The following ARID4B variants were observed in gnomAD, a reference collection of about 807,000 sequenced individuals.
ARID4B encodes the protein AT-rich interaction domain 4B.
Under a neutral mutation model 147.5 loss-of-function variants are expected in ARID4B, and 26 were observed. That is an observed-to-expected ratio of 0.18 (90% CI 0.13 to 0.24). The LOEUF is 0.24. ARID4B is among the 10% of genes least tolerant of loss of function. The pLI is 1.00. For synonymous variants in ARID4B, 512 were observed against 507.9 expected, an observed-to-expected ratio of 1.01 and a Z score of -0.11; for missense variants, 1,179 against 1,511.5, an observed-to-expected ratio of 0.78 and a Z score of 3.65.
At chr1:235,277,559 A>C (rs1347098351) in intron 2 of ARID4B, among the ~76,000 whole-genome samples, 2 of 150,486 alleles carry the variant, frequency 1.3e-5, no homozygotes, top group Admixed American at 1.3e-4. Context: ...AAATAATAAT[A>C]ATAATGTAAA....
chr1:235,208,725 C>T (rs772513429), intron 17 of ARID4B, among the ~76,000 whole-genome samples: 16 of 151,484 alleles, frequency 1.1e-4, no homozygotes, highest in Non-Finnish European at 2.2e-4. Context: ...AGGCTGGTCT[C>T]GAACTGGTCT....
At chr1:235,222,100 T>TG (rs1667513837) in intron 13 of ARID4B, among the ~76,000 whole-genome samples, 1 of 151,828 alleles carries the variant, frequency 6.6e-6, no homozygotes, top group Admixed American at 6.6e-5. Context: ...TTTGTGGAGA[T>TG]GGAGTCTCAC....
At chr1:235,283,370 G>A (rs1671783385) in intron 2 of ARID4B, among the ~76,000 whole-genome samples, 1 of 152,172 alleles carries the variant, frequency 6.6e-6, no homozygotes, top group Non-Finnish European at 1.5e-5. Flanking sequence ...TAATTCAGAA[G>A]CTAATGTTTA....
chr1:235,292,933 C>T (rs1057449424), intron 2 of ARID4B, among the ~76,000 whole-genome samples: 2 of 152,078 alleles, frequency 1.3e-5, no homozygotes, highest in Middle Eastern at 3.2e-3. Context: ...AAGAAAGCTC[C>T]GAGGGAAGGT....
chr1:235,284,346 C>T (rs776927241), intron 2 of ARID4B, among the ~76,000 whole-genome samples: 10 of 152,112 alleles, frequency 6.6e-5, no homozygotes, highest in Admixed American at 3.9e-4. Context: ...AGCGACAGAG[C>T]GAGACTCCGT....
chr1:235,237,610 A>G (rs2103065540), intron 8 of ARID4B, among the ~76,000 whole-genome samples: 1 of 152,328 alleles, frequency 6.6e-6, no homozygotes, highest in South Asian at 2.1e-4. Context: ...AAACAGTAAA[A>G]ACAAAGGTAG....
intron 16 of ARID4B, among the ~76,000 whole-genome samples, chr1:235,217,894 T>A (rs1056660399): frequency 3.9e-5 from 6 of 152,206 alleles, no homozygotes; most frequent in African/African-American, 1.4e-4. Context: ...AGTGGATGCC[T>A]GAAACCGTGG....
At chr1:235,261,491 T>A (rs564054668) in intron 2 of ARID4B, among the ~76,000 whole-genome samples, 16 of 152,284 alleles carry the variant, frequency 1.1e-4, no homozygotes, top group African/African-American at 3.6e-4. Context: ...GCCACTGAAC[T>A]CTAGCCTGGG....
intron 9 of ARID4B, among the ~76,000 whole-genome samples, chr1:235,233,576 C>T (rs959294905): frequency 2.6e-5 from 4 of 152,194 alleles, no homozygotes; most frequent in African/African-American, 9.7e-5. Context: ...TATCTGGCTT[C>T]TCTAGTCATA....
intron 2 of ARID4B, among the ~76,000 whole-genome samples, chr1:235,310,501 GA>G (rs1673972355): frequency 6.6e-6 from 1 of 152,168 alleles, no homozygotes; most frequent in South Asian, 2.1e-4. Flanking sequence ...AAATGTTGCT[GA>G]CCTGCCTCAA....
intron 2 of ARID4B, among the ~76,000 whole-genome samples, chr1:235,283,128 A>G (rs1288056293): frequency 6.6e-6 from 1 of 152,262 alleles, no homozygotes; most frequent in South Asian, 2.1e-4. Context: ...CTTTTAAAAC[A>G]CATTCATTTT....
At position 235,252,721 on chromosome 1, in the gene ARID4B, A is replaced by G; in HGVS notation, c.354+9T>C. 1 of 1,609,050 alleles carries G rather than the reference A, an allele frequency of 6.2e-7. No individual in the cohort carries two copies. The highest frequency in any genetic ancestry group is 1.3e-5 in the African/African-American group (1 of 74,722). Reference sequence around the variant, plus strand: ...TTAAGACATGTTCATTTGTTAAATGATGACTTACTTCACTTTCAGCAAAAT... The same window carrying G: ...TTAAGACATGTTCATTTGTTAAATGGTGACTTACTTCACTTTCAGCAAAAT... On this transcript the variant is annotated intron_variant, in intron 6 of 23. Coordinates refer to ENST00000264183, the MANE Select transcript of ARID4B (RefSeq NM_016374.6).
In ARID4B at chr1:235,220,310, G is replaced by T; in HGVS notation, c.1399C>A (p.Pro467Thr). 2 of 1,600,176 alleles carry T rather than the reference G, an allele frequency of 1.2e-6. No homozygotes were observed. Among genetic ancestry groups the T allele is most frequent in the Non-Finnish European group, 8.5e-7 (1 of 1,175,002 alleles). Residue 467 changes from proline to threonine, a missense_variant, in exon 15 of 24, where the codon CCC (proline) becomes ACC (threonine). Physicochemically the swap from Pro to Thr is conservative, Grantham distance 38 (BLOSUM62 -1). This residue lies in a region of ARID4B where 204 missense variants were observed against 210.9 expected (regional missense o/e 0.97). Transcript: ENST00000264183. ...AACAATATCTGATTTACCAGAGAGGGCTTAATATTTTCTTTTCTTTCAATT... is the reference window on the plus strand; with the variant it reads ...AACAATATCTGATTTACCAGAGAGGTCTTAATATTTTCTTTTCTTTCAATT... ...DEIERKENIKPSLGSKKNLLE... is the reference protein window; with the variant it reads ...DEIERKENIKTSLGSKKNLLE...
In ARID4B at chr1:235,196,046, A is replaced by G; in HGVS notation, c.1911T>C (p.His637=). 1.9e-6 allele frequency: 3 copies of G among 1,598,936 alleles called. No individual in the cohort carries two copies. The highest frequency in any genetic ancestry group is 2.6e-6 in the Non-Finnish European group (3 of 1,172,006). ...PADKNVPKIK[H]RKKIKNKLDK... is the part of the protein sequence containing the mutation. Reference sequence around the variant, plus strand: ...AAGCACTTACCTTTATTTTCTTCCGATGTTTTATCTTTGGCACATTTTTAT... The same window carrying G: ...AAGCACTTACCTTTATTTTCTTCCGGTGTTTTATCTTTGGCACATTTTTAT... The change falls in exon 18 of 24, where the codon CAT becomes CAC. Residue 637 remains histidine (H), a synonymous_variant. Coordinates refer to ENST00000264183, the MANE Select transcript of ARID4B (RefSeq NM_016374.6).
At chr1:235,173,809 T>TATAC (rs1262725823) in intron 22 of ARID4B, among the ~76,000 whole-genome samples, 1 of 73,902 alleles carries the variant, frequency 1.4e-5, no homozygotes, top group Non-Finnish European at 2.5e-5. Context: ...TATATATATA[T>TATAC]ATATGTATAC....
intron 7 of ARID4B, among the ~76,000 whole-genome samples, chr1:235,242,439 G>C (rs1432133981): frequency 3.9e-5 from 6 of 152,158 alleles, no homozygotes; most frequent in Non-Finnish European, 8.8e-5. Context: ...ATTTACAAGA[G>C]CTTAAGAGTA....
intron 20 of ARID4B, among the ~76,000 whole-genome samples, chr1:235,178,332 TTAATA>T (rs1378369852): frequency 1.6e-4 from 25 of 152,264 alleles, no homozygotes; most frequent in South Asian, 6.2e-4. Flanking sequence ...TATAATCATA[TTAATA>T]TAATTTTTAA....
chr1:235,258,734 T>C (rs978687862), intron 3 of ARID4B, among the ~76,000 whole-genome samples: 3 of 152,180 alleles, frequency 2.0e-5, no homozygotes, highest in African/African-American at 7.2e-5. Context: ...ACCCACAGCA[T>C]CCCAGGCATT....
intron 2 of ARID4B, among the ~76,000 whole-genome samples, chr1:235,289,674 G>A (rs989643284): frequency 8.0e-5 from 12 of 149,082 alleles, no homozygotes; most frequent in African/African-American, 1.5e-4. Flanking sequence ...GCAGTAAGCC[G>A]TTATTGGACC....
Sources: gnomAD v4.1 joint callset for allele counts (sites outside exome capture counted in the v4.1 genomes callset) on GRCh38, gnomAD v4.1.1 for gene constraint, gnomAD v4.1.1 regional missense constraint, MANE v1.5 for transcripts, NCBI Gene and HGNC (gene_info 2026-07-23, HGNC 2026-07-21) for gene names.